The following SMC5 variants were observed in gnomAD, a reference collection of about 807,000 sequenced individuals.
SMC5 encodes the protein structural maintenance of chromosomes protein 5.
In SMC5, 88 loss-of-function variants were observed where a neutral mutation model predicts 148.3. The observed-to-expected ratio is 0.59, with a 90% CI of 0.50 to 0.71. SMC5 has a LOEUF of 0.71. Ranked by LOEUF, SMC5 falls within the 30% of genes least tolerant of loss-of-function variation. The pLI is 0.00. For synonymous variants in SMC5, 421 were observed against 432.8 expected (o/e 0.97, Z 0.34); for missense variants, 1,142 against 1,298.9 (o/e 0.88, Z 1.86).
At chr9:70,331,314 A>G (rs1466227897) in intron 17 of SMC5, among the ~76,000 whole-genome samples, 2 of 152,208 alleles carry the variant, frequency 1.3e-5, no homozygotes, top group South Asian at 2.1e-4. Flanking sequence ...GGGGAAACCT[A>G]AAAGTTTAAA....
chr9:70,268,780 G>C (rs79518334), intron 3 of SMC5, among the ~76,000 whole-genome samples: 2,508 of 152,112 alleles, frequency 0.016, 34 homozygotes, highest in Middle Eastern at 0.037. Context: ...TGGTACTTCT[G>C]TCACCATTTT....
intron 3 of SMC5, among the ~76,000 whole-genome samples, chr9:70,275,759 A>T: frequency 6.6e-6 from 1 of 150,996 alleles, no homozygotes; most frequent in Non-Finnish European, 1.5e-5. Context: ...TTTATTTTTT[A>T]TTTACTTTTC....
Position 70,298,119 on chromosome 9 carries a change from A to G in SMC5, c.1207A>G (p.Ile403Val), listed in dbSNP as rs765033936. ...GAATCTTCAGCCCCAGATTGATGCCATTACAAATGATCTGAGACGGATTCA... is the reference window on the plus strand; with the variant it reads ...GAATCTTCAGCCCCAGATTGATGCCGTTACAAATGATCTGAGACGGATTCA... Reference protein sequence around the residue: ...CENLQPQIDAITNDLRRIQDE... With the variant: ...CENLQPQIDAVTNDLRRIQDE... Residue 403 changes from isoleucine to valine, a missense_variant, in exon 9 of 25, where the codon ATT (isoleucine) becomes GTT (valine). Physicochemically the swap from Ile to Val is conservative, Grantham distance 29. Coordinates refer to ENST00000361138, the MANE Select transcript of SMC5 (RefSeq NM_015110.4). 5.6e-6 allele frequency: 9 copies of G among 1,614,128 alleles called. No homozygotes were observed. Among genetic ancestry groups the G allele is most frequent in the Admixed American group, 1.7e-5 (1 of 60,032 alleles).
intron 17 of SMC5, among the ~76,000 whole-genome samples, chr9:70,337,450 G>GTTTTTTTTTTTTTTTTTTT (rs201218742): frequency 8.3e-6 from 1 of 119,938 alleles, no homozygotes; most frequent in African/African-American, 4.2e-5. Flanking sequence ...TTTGGGATTT[G>GTTTTTTTTTTTTTTTTTTT]TTTTTTTTTT....
At chr9:70,270,857 G>C (rs556249250) in intron 3 of SMC5, among the ~76,000 whole-genome samples, 3 of 151,970 alleles carry the variant, frequency 2.0e-5, no homozygotes, top group Non-Finnish European at 2.9e-5. Context: ...ATGTTGGCCA[G>C]GCTGGTCTTG....
At chr9:70,349,620 A>G (rs1358074239) in intron 22 of SMC5, among the ~76,000 whole-genome samples, 2 of 152,130 alleles carry the variant, frequency 1.3e-5, no homozygotes, top group African/African-American at 2.4e-5. Context: ...TTCCTTCTTA[A>G]CCGACTGAAG....
At chr9:70,259,289 G>GGGTGTGGA (rs2034022716) in intron 1 of SMC5, 26 bp downstream of exon 1, 2 of 1,543,278 alleles carry the variant, frequency 1.3e-6, no homozygotes, top group African/African-American at 1.4e-5. Context: ...GCCGCGCCGC[G>GGGTGTGGA]GGTGTGGAGG....
chr9:70,298,023 A>G lies in SMC5; in HGVS notation c.1111A>G (p.Arg371Gly). 1 of 1,614,004 alleles carries G rather than the reference A, an allele frequency of 6.2e-7. No individual in the cohort carries two copies. Among genetic ancestry groups the G allele is most frequent in the Non-Finnish European group, 8.5e-7 (1 of 1,179,928 alleles). ...GCAAAATGAAGAGCTTGACCGACAGAGGAGAATAGGTAATACCCGCAAAAT... is the reference window on the plus strand; with the variant it reads ...GCAAAATGAAGAGCTTGACCGACAGGGGAGAATAGGTAATACCCGCAAAAT... ...VKQNEELDRQ[R>G]RIGNTRKMIE... is the part of the protein sequence containing the mutation. Residue 371 changes from arginine to glycine, a missense_variant, in exon 9 of 25, where the codon AGG becomes GGG. Arg to Gly is a moderately radical substitution (Grantham distance 125). Coordinates refer to ENST00000361138, the MANE Select transcript of SMC5 (RefSeq NM_015110.4).
chr9:70,272,487 G>A (rs1161226087), intron 3 of SMC5, among the ~76,000 whole-genome samples: 4 of 152,062 alleles, frequency 2.6e-5, no homozygotes, highest in Admixed American at 1.3e-4. Flanking sequence ...AGGCAGAGGC[G>A]GGAGGATTGC....
Position 70,298,230 on chromosome 9 carries a change from C to T in SMC5, c.1309+9C>T, listed in dbSNP as rs762970560. 6.2e-7 allele frequency: 1 copy of T among 1,604,276 alleles called. No individual in the cohort carries two copies. The highest frequency in any genetic ancestry group is 8.5e-7 in the Non-Finnish European group (1 of 1,176,374). ...AGAGAAGGAGAAAAAGAGTAAGTTT[C>T]ATAAAGTTAGAATGAAATGTTTATA... On this transcript the variant is annotated intron_variant, in intron 9 of 24. Transcript: ENST00000361138.
rs1392279511 is a variant in SMC5 at position 70,259,137 on chromosome 9, T to TC, written c.62dup (p.Arg22GlufsTer44). ...AGCCCCCAGCCTTCCAAGAGAGCTC[T>TC]CCCGAGAGACCCTTCGTCGGAGGTC... On this transcript the variant is annotated frameshift_variant, in exon 1 of 25. Transcript: ENST00000361138. LOFTEE classifies it high-confidence loss of function. 1 of 1,612,758 alleles carries TC rather than the reference T, an allele frequency of 6.2e-7. No individual in the cohort carries two copies. The highest frequency in any genetic ancestry group is 1.1e-5 in the South Asian group (1 of 90,702).
At chr9:70,261,989 C>A (rs1048732923) in intron 1 of SMC5, among the ~76,000 whole-genome samples, 1 of 152,042 alleles carries the variant, frequency 6.6e-6, no homozygotes, top group African/African-American at 2.4e-5. Flanking sequence ...AGGCCGGATG[C>A]AAAGAGAAGA....
In SMC5 at chr9:70,282,590, T is replaced by C; in HGVS notation, c.981+7T>C. On this transcript the variant is annotated splice_region_variant and intron_variant, in intron 7 of 24. Coordinates refer to ENST00000361138, the MANE Select transcript of SMC5 (RefSeq NM_015110.4). Reference sequence around the variant, plus strand: ...GGCTCGAATCAAAGAAAAGGTACTTTTTGGTTTCAATTTTGGATTATCTGA... The same window carrying C: ...GGCTCGAATCAAAGAAAAGGTACTTCTTGGTTTCAATTTTGGATTATCTGA... 6.5e-7 allele frequency: 1 copy of C among 1,550,134 alleles called. No homozygotes were observed. Among genetic ancestry groups the C allele is most frequent in the South Asian group, 1.3e-5 (1 of 77,168 alleles).
intron 17 of SMC5, among the ~76,000 whole-genome samples, chr9:70,333,766 T>C (rs1308468519): frequency 6.6e-6 from 1 of 152,050 alleles, no homozygotes. Context: ...GGGATATATT[T>C]AAAAGACTTG....
At chr9:70,293,899 A>G (rs1236625165) in intron 8 of SMC5, among the ~76,000 whole-genome samples, 1 of 152,192 alleles carries the variant, frequency 6.6e-6, no homozygotes, top group African/African-American at 2.4e-5. Context: ...ATTTTGGTAA[A>G]TTAATTGTAA....
chr9:70,332,660 C>G lies in SMC5; in HGVS notation c.2397+8517C>G, dbSNP rs150383881. Among the ~76,000 whole-genome samples, 599 of 152,184 alleles carry G rather than the reference C, an allele frequency of 3.9e-3. 3 individuals carry two copies. The highest frequency in any genetic ancestry group is 0.013 in the African/African-American group (554 of 41,546). On this transcript the variant is annotated intron_variant, in intron 17 of 24. Coordinates refer to ENST00000361138, the MANE Select transcript of SMC5 (RefSeq NM_015110.4). ...ACTAAAAAGAACTACAGACTAATAC[C>G]TATCATGAACATAGACCCAAAAATT... is the stretch of plus-strand genomic sequence containing the variant.
chr9:70,279,985 A>G (rs1406454055), intron 5 of SMC5, among the ~76,000 whole-genome samples: 2 of 152,184 alleles, frequency 1.3e-5, no homozygotes, highest in Non-Finnish European at 2.9e-5. Flanking sequence ...GTGACTTTAT[A>G]TACTTAATAA....
chr9:70,300,102 C>T lies in SMC5; in HGVS notation c.1366C>T (p.Leu456=), dbSNP rs753872032. Residue 456 remains leucine (L), a synonymous_variant, in exon 10 of 25, where the codon CTA becomes TTA. Coordinates refer to ENST00000361138, the MANE Select transcript of SMC5 (RefSeq NM_015110.4). The stretch of plus-strand genomic sequence containing the variant: ...TCTTATGAATCAGAAGGAAGATAAG[C>T]TAAGACAGAGATTCCGTGACACGTA... ...DNLMNQKEDK[L]RQRFRDTYDA... 1 of 1,603,022 alleles carries T rather than the reference C, an allele frequency of 6.2e-7. No homozygotes were observed. Among genetic ancestry groups the T allele is most frequent in the Non-Finnish European group, 8.5e-7 (1 of 1,177,000 alleles).
chr9:70,327,083 T>C (rs2036100971), intron 17 of SMC5, among the ~76,000 whole-genome samples: 1 of 152,162 alleles, frequency 6.6e-6, no homozygotes, highest in African/African-American at 2.4e-5. Context: ...ACTCACAATG[T>C]ATTTTCTCAA....
Sources: gnomAD v4.1 joint callset for allele counts (sites outside exome capture counted in the v4.1 genomes callset) on GRCh38, gnomAD v4.1.1 for gene constraint, MANE v1.5 for transcripts, NCBI Gene and HGNC (gene_info 2026-07-23, HGNC 2026-07-21) for gene names.